DLG2: variants seen among roughly 807,000 people sequenced by gnomAD.
The protein encoded by DLG2 is discs large MAGUK scaffold protein 2.
Under a neutral mutation model 132.5 loss-of-function variants are expected in DLG2, and 45 were observed. The observed-to-expected ratio is 0.34, with a 90% CI of 0.27 to 0.44. DLG2 has a LOEUF of 0.44. Ranked by LOEUF, DLG2 falls within the 20% of genes least tolerant of loss-of-function variation. The probability of loss-of-function intolerance (pLI) is 1.00; values close to 1 mark genes in which losing one functional copy is unlikely to be tolerated. For synonymous variants in DLG2, 424 were observed against 419.6 expected (o/e 1.01, Z -0.13); for missense variants, 1,045 against 1,196.9 (o/e 0.87, Z 1.87).
chr11:84,999,456 G>A (rs1328508074), intron 6 of DLG2, among the ~76,000 whole-genome samples: 1 of 152,062 alleles, frequency 6.6e-6, no homozygotes, highest in Non-Finnish European at 1.5e-5. Flanking sequence ...AAAAATGAAG[G>A]AAATAATCAT....
intron 15 of DLG2, among the ~76,000 whole-genome samples, chr11:83,880,207 G>T (rs745820031): frequency 1.3e-5 from 2 of 152,076 alleles, no homozygotes. Context: ...TAAGTGGGGG[G>T]AATAAAGGGG....
intron 26 of DLG2, among the ~76,000 whole-genome samples, chr11:83,466,416 A>C (rs1004371855): frequency 6.6e-6 from 1 of 152,210 alleles, no homozygotes; most frequent in Non-Finnish European, 1.5e-5. Context: ...AAAAACTAAC[A>C]AAGAAAACAA....
At chr11:85,046,847 C>A (rs2062393950) in intron 6 of DLG2, among the ~76,000 whole-genome samples, 1 of 151,706 alleles carries the variant, frequency 6.6e-6, no homozygotes, top group Admixed American at 6.6e-5. Context: ...ATATGTAATA[C>A]CCAAACTTGC....
At chr11:84,306,410 T>C (rs1389441817) in intron 7 of DLG2, among the ~76,000 whole-genome samples, 3 of 152,166 alleles carry the variant, frequency 2.0e-5, no homozygotes, top group Non-Finnish European at 4.4e-5. Flanking sequence ...AGGAGAGGTG[T>C]GTCAATACTA....
chr11:83,524,917 G>A (rs2095569544), intron 21 of DLG2, among the ~76,000 whole-genome samples: 1 of 152,170 alleles, frequency 6.6e-6, no homozygotes, highest in African/African-American at 2.4e-5. Context: ...TGTGTGCACT[G>A]TGAACAGATT....
intron 2 of DLG2, among the ~76,000 whole-genome samples, chr11:85,608,966 C>A (rs2080792052): frequency 6.6e-6 from 1 of 152,134 alleles, no homozygotes; most frequent in South Asian, 2.1e-4. Context: ...GATAGAATGA[C>A]AGCTGAGGAA....
At chr11:85,186,888 GTAAGT>G (rs1442374653) in intron 4 of DLG2, among the ~76,000 whole-genome samples, 2 of 151,964 alleles carry the variant, frequency 1.3e-5, no homozygotes, top group African/African-American at 4.8e-5. Flanking sequence ...CCTATTAACA[GTAAGT>G]TAAGAATATA....
chr11:83,738,960 G>A (rs1429213534), intron 18 of DLG2, among the ~76,000 whole-genome samples: 6 of 149,918 alleles, frequency 4.0e-5, no homozygotes, highest in Admixed American at 3.3e-4. Flanking sequence ...AGTGCTGGGG[G>A]ATAAGCAGAG....
intron 6 of DLG2, among the ~76,000 whole-genome samples, chr11:84,692,084 C>A (rs1429896306): frequency 6.6e-6 from 1 of 151,678 alleles, no homozygotes; most frequent in Non-Finnish European, 1.5e-5. Context: ...AGAAAATTTT[C>A]TTTTAGCCTC....
intron 3 of DLG2, among the ~76,000 whole-genome samples, chr11:85,355,601 A>G (rs77326438): frequency 0.036 from 5,528 of 152,262 alleles, 147 homozygotes; most frequent in Admixed American, 0.049. Flanking sequence ...GTGTTTAACA[A>G]TAAAGGAAAA....
At chr11:84,708,137 A>G (rs1194584240) in intron 6 of DLG2, among the ~76,000 whole-genome samples, 2 of 151,780 alleles carry the variant, frequency 1.3e-5, no homozygotes, top group African/African-American at 4.8e-5. Flanking sequence ...ATTATGGAGA[A>G]ATGGTCTTCA....
chr11:85,191,907 T>C (rs2080607689), intron 4 of DLG2, among the ~76,000 whole-genome samples: 1 of 152,174 alleles, frequency 6.6e-6, no homozygotes, highest in Admixed American at 6.5e-5. Flanking sequence ...ATCCTGGGCT[T>C]TTTGAGGCTC....
At chr11:84,121,675 C>A (rs1408657511) in intron 9 of DLG2, among the ~76,000 whole-genome samples, 1 of 148,554 alleles carries the variant, frequency 6.7e-6, no homozygotes, top group Non-Finnish European at 1.5e-5. Flanking sequence ...CATTCTCCTG[C>A]CTCAGCCTCC....
chr11:83,978,875 A>G (rs1292603720), intron 12 of DLG2, among the ~76,000 whole-genome samples: 2 of 152,132 alleles, frequency 1.3e-5, no homozygotes. Flanking sequence ...ATGTTGCACA[A>G]GAGGCAGTAT....
At chr11:84,028,720 A>G (rs1197094726) in intron 11 of DLG2, among the ~76,000 whole-genome samples, 1 of 151,940 alleles carries the variant, frequency 6.6e-6, no homozygotes, top group East Asian at 1.9e-4. Context: ...CCTTCTCCAA[A>G]CTACTTCTTG....
intron 6 of DLG2, among the ~76,000 whole-genome samples, chr11:84,669,032 A>C (rs554595721): frequency 6.6e-6 from 1 of 152,268 alleles, no homozygotes; most frequent in African/African-American, 2.4e-5. Context: ...TCTGGTCTTG[A>C]GAAATGTGAT....
At chr11:84,161,159 G>A (rs560752929) in intron 9 of DLG2, among the ~76,000 whole-genome samples, 52 of 152,256 alleles carry the variant, frequency 3.4e-4, no homozygotes, top group Non-Finnish European at 2.2e-4. Context: ...CTTAACCAGC[G>A]TAAGCTAACT....
chr11:84,624,857 CTTT>C (rs776520040), intron 6 of DLG2, among the ~76,000 whole-genome samples: 2 of 76,172 alleles, frequency 2.6e-5, no homozygotes, highest in Admixed American at 1.2e-4. Context: ...GAGAGTCAAC[CTTT>C]TTTTTTTTTT....
At chr11:83,507,572 C>CTATAGATATCTATATAGATATCTA (rs1266013628) in intron 21 of DLG2, among the ~76,000 whole-genome samples, 1 of 140,946 alleles carries the variant, frequency 7.1e-6, no homozygotes, top group African/African-American at 2.6e-5. Flanking sequence ...TATATATATC[C>CTATAGATATCTATATAGATATCTA]TATAGATATC....
Sources: allele counts gnomAD v4.1 joint callset (sites outside exome capture counted in the v4.1 genomes callset), GRCh38; gene constraint gnomAD v4.1.1; transcripts MANE v1.5; gene names NCBI Gene and HGNC (gene_info 2026-07-23, HGNC 2026-07-21).